The following NRG1 variants were observed in gnomAD, a reference collection of about 807,000 sequenced individuals.
NRG1 encodes neuregulin 1.
In NRG1, 18 loss-of-function variants were observed where a neutral mutation model predicts 63.8. The ratio of observed to expected loss-of-function variants is 0.28; its 90% CI spans 0.19 to 0.42. The LOEUF (loss-of-function observed/expected upper bound fraction) is 0.42, where lower values mean the gene tolerates loss of function less well. NRG1 is among the 10% of genes least tolerant of loss of function. NRG1 has a pLI of 1.00. For synonymous variants in NRG1, 302 were observed against 301.3 expected, an observed-to-expected ratio of 1.00 and a Z score of -0.02; for missense variants, 762 against 814.7, an observed-to-expected ratio of 0.94 and a Z score of 0.79.
At chr8:31,868,546 A>G (rs1351305612) in intron 1 of NRG1, among the ~76,000 whole-genome samples, 2 of 152,294 alleles carry the variant, frequency 1.3e-5, no homozygotes, top group African/African-American at 4.8e-5. Context: ...ATTGCCCTAC[A>G]CAGACATATA....
chr8:31,871,550 G>A (rs966813120), intron 1 of NRG1, among the ~76,000 whole-genome samples: 3 of 151,974 alleles, frequency 2.0e-5, no homozygotes, highest in South Asian at 2.1e-4. Flanking sequence ...GTGGGTAAGC[G>A]GGGTGTCCAG....
chr8:31,946,419 A>G (rs964338901), intron 1 of NRG1, among the ~76,000 whole-genome samples: 1 of 152,242 alleles, frequency 6.6e-6, no homozygotes, highest in African/African-American at 2.4e-5. Context: ...ATTTTCCTGC[A>G]AGGCGCTAAC....
intron 1 of NRG1, among the ~76,000 whole-genome samples, chr8:32,508,653 G>T (rs888970901): frequency 1.3e-5 from 2 of 151,904 alleles, no homozygotes; most frequent in Admixed American, 1.3e-4. Context: ...TTGTCATTCT[G>T]ATATGTAGAA....
Position 32,082,421 on chromosome 8 carries a change from A to G in NRG1, c.37+442990A>G, listed in dbSNP as rs922002141. Among the ~76,000 whole-genome samples the G allele has an allele frequency of 1.3e-5, 2 of 151,936 alleles. 1 individual carries two copies. Among genetic ancestry groups the G allele is most frequent in the South Asian group, 4.2e-4 (2 of 4,814 alleles). ...GTCTCTTTTTCACCTCTATGTGTCC[A>G]TGAGTTTTCATCCTTTAGCTCCCGC... On this transcript the variant is annotated intron_variant, in intron 1 of 10. Transcript: ENST00000519301.
chr8:32,704,907 C>T (rs915850140), intron 5 of NRG1, among the ~76,000 whole-genome samples: 3 of 152,100 alleles, frequency 2.0e-5, no homozygotes, highest in African/African-American at 7.2e-5. Context: ...GACAAACATG[C>T]CATTAGTGCC....
At chr8:32,127,453 C>T (rs796846994) in intron 1 of NRG1, among the ~76,000 whole-genome samples, 1 of 151,596 alleles carries the variant, frequency 6.6e-6, no homozygotes, top group Non-Finnish European at 1.5e-5. Context: ...AATAGTTTAG[C>T]CCCTTTCATA....
intron 1 of NRG1, among the ~76,000 whole-genome samples, chr8:31,785,114 G>C (rs1820050203): frequency 6.6e-6 from 1 of 152,110 alleles, no homozygotes; most frequent in Admixed American, 6.6e-5. Flanking sequence ...GTCTTAAAAA[G>C]GCAGTGGAGG....
intron 1 of NRG1, among the ~76,000 whole-genome samples, chr8:32,332,723 G>A (rs73248795): frequency 0.097 from 14,816 of 152,164 alleles, 938 homozygotes; most frequent in Non-Finnish European, 0.14. Flanking sequence ...AAAAAGGCTA[G>A]GATTCTAATC....
intron 5 of NRG1, among the ~76,000 whole-genome samples, chr8:32,639,702 T>C (rs891436020): frequency 1.3e-5 from 2 of 152,228 alleles, no homozygotes; most frequent in African/African-American, 4.8e-5. Context: ...ATAAGTGATA[T>C]GCTGTGCTAT....
chr8:32,418,380 T>C (rs1184516496), intron 1 of NRG1, among the ~76,000 whole-genome samples: 1 of 148,298 alleles, frequency 6.7e-6, no homozygotes, highest in Non-Finnish European at 1.5e-5. Flanking sequence ...CTCTTTAATA[T>C]ATTTAATAAT....
downstream of NRG1, among the ~76,000 whole-genome samples, chr8:32,772,683 C>G (rs560868601): frequency 6.6e-6 from 1 of 152,076 alleles, no homozygotes; most frequent in African/African-American, 2.4e-5. Flanking sequence ...CTAGTTTCTC[C>G]CAGTTGAGCC....
intron 1 of NRG1, among the ~76,000 whole-genome samples, chr8:32,366,677 G>GTATA (rs71208175): frequency 0.011 from 1,000 of 87,170 alleles, 13 homozygotes; most frequent in Non-Finnish European, 0.013. Flanking sequence ...GTGTGTGTGT[G>GTATA]TATATATATA....
chr8:32,354,166 C>T (rs1806027293), intron 1 of NRG1, among the ~76,000 whole-genome samples: 1 of 151,618 alleles, frequency 6.6e-6, no homozygotes, highest in Non-Finnish European at 1.5e-5. Context: ...GTCAGGAGTT[C>T]GAGACCCCCC....
At chr8:31,822,623 G>A (rs1487731072) in intron 1 of NRG1, among the ~76,000 whole-genome samples, 2 of 152,274 alleles carry the variant, frequency 1.3e-5, no homozygotes, top group East Asian at 3.9e-4. Flanking sequence ...TTGATATTTA[G>A]CCTATTAAAA....
At chr8:32,427,775 A>C (rs144611312) in intron 1 of NRG1, among the ~76,000 whole-genome samples, 6 of 152,256 alleles carry the variant, frequency 3.9e-5, no homozygotes, top group Admixed American at 6.5e-5. Context: ...TCTTTTAGTC[A>C]CCAATTGGAG....
intron 5 of NRG1, among the ~76,000 whole-genome samples, chr8:32,700,086 A>G (rs1814447472): frequency 6.6e-6 from 1 of 151,906 alleles, no homozygotes; most frequent in African/African-American, 2.4e-5. Flanking sequence ...ACCCCCTCCC[A>G]TTTCCTCTTT....
At chr8:32,052,873 T>G (rs765220696) in intron 1 of NRG1, among the ~76,000 whole-genome samples, 5 of 152,164 alleles carry the variant, frequency 3.3e-5, no homozygotes, top group Non-Finnish European at 5.9e-5. Flanking sequence ...GGGTTCTTCC[T>G]ACATGTTTAT....
intron 1 of NRG1, among the ~76,000 whole-genome samples, chr8:32,197,653 TG>T (rs1843091714): frequency 6.6e-6 from 1 of 152,224 alleles, no homozygotes; most frequent in Non-Finnish European, 1.5e-5. Flanking sequence ...GTACCTAGAC[TG>T]TTGGCTTATT....
intron 1 of NRG1, among the ~76,000 whole-genome samples, chr8:32,302,559 A>G (rs922193490): frequency 1.4e-5 from 2 of 143,914 alleles, no homozygotes; most frequent in Non-Finnish European, 3.0e-5. Flanking sequence ...TTGACTATTG[A>G]CTCACTATTT....
Sources: allele counts gnomAD v4.1 joint callset (sites outside exome capture counted in the v4.1 genomes callset), GRCh38; gene constraint gnomAD v4.1.1; transcripts MANE v1.5; gene names NCBI Gene and HGNC (gene_info 2026-07-23, HGNC 2026-07-21).